NBEAL1: variants seen among roughly 807,000 people sequenced by gnomAD.
The protein encoded by NBEAL1 is neurobeachin-like protein 1.
Under a neutral mutation model 351.3 loss-of-function variants are expected in NBEAL1, and 273 were observed. The ratio of observed to expected loss-of-function variants is 0.78; its 90% CI spans 0.70 to 0.86. The LOEUF is 0.86. Among genes scored for constraint, NBEAL1 ranks in the 40% least tolerant of loss-of-function variants. NBEAL1 has a pLI of 0.00. For synonymous variants in NBEAL1, 1,050 were observed against 1,086.4 expected, an observed-to-expected ratio of 0.97 and a Z score of 0.66; for missense variants, 2,961 against 3,201.3, an observed-to-expected ratio of 0.92 and a Z score of 1.81.
chr2:203,049,976 G>C lies in NBEAL1; in HGVS notation c.305+1G>C. The C allele has an allele frequency of 6.5e-7, 1 of 1,550,224 alleles. No homozygotes were observed. ...TCAAGTTCTTCATTATTCTTTGCAG[G>C]TATCTAGTAGAAAAAATAAGCTAGT... is the stretch of plus-strand genomic sequence containing the variant. On this transcript the variant is annotated splice_donor_variant, in intron 4 of 55. Coordinates refer to ENST00000683969, the MANE Select transcript of NBEAL1 (RefSeq NM_001378026.1). LOFTEE classifies it high-confidence loss of function.
At chr2:203,137,444 C>A (rs770869088) in intron 29 of NBEAL1, among the ~76,000 whole-genome samples, 6 of 152,018 alleles carry the variant, frequency 3.9e-5, no homozygotes, top group Non-Finnish European at 7.4e-5. Context: ...GGTAGTACAC[C>A]GGGGAAGTAT....
At chr2:203,095,686 T>C (rs912404415) in intron 10 of NBEAL1, among the ~76,000 whole-genome samples, 1 of 152,246 alleles carries the variant, frequency 6.6e-6, no homozygotes, top group African/African-American at 2.4e-5. Flanking sequence ...TCTGACTATT[T>C]GTTTCCCTTG....
In NBEAL1 at chr2:203,107,525, TTA is replaced by T; in HGVS notation, c.1368+10_1368+11del. On this transcript the variant is annotated splice_region_variant and intron_variant, in intron 13 of 55. Transcript: ENST00000683969. ...TAAAGAACTTATGAATATGGTGAGT[TTA>T]TAACCTTTATTAAGAGAATTTCTGT... The T allele has an allele frequency of 6.5e-7, 1 of 1,544,132 alleles. No individual in the cohort carries two copies. Among genetic ancestry groups the T allele is most frequent in the Non-Finnish European group, 8.8e-7 (1 of 1,142,252 alleles).
chr2:203,023,179 G>A (rs975503950), intron 2 of NBEAL1, among the ~76,000 whole-genome samples: 2 of 152,180 alleles, frequency 1.3e-5, no homozygotes, highest in African/African-American at 4.8e-5. Flanking sequence ...TCCTAAATAA[G>A]TTTTTAGTAA....
chr2:203,125,285 G>T, intron 19 of NBEAL1, 67 bp from the exon 20 acceptor site: 1 of 1,127,798 alleles, frequency 8.9e-7, no homozygotes, highest in East Asian at 2.8e-5. Context: ...CTTCATACAT[G>T]TGAAGATATT....
intron 35 of NBEAL1, among the ~76,000 whole-genome samples, chr2:203,155,230 A>G (rs1463318318): frequency 7.2e-6 from 1 of 138,386 alleles, no homozygotes; most frequent in Non-Finnish European, 1.6e-5. Flanking sequence ...CCTGGGCAAC[A>G]CAGTAAAACC....
intron 31 of NBEAL1, among the ~76,000 whole-genome samples, chr2:203,141,216 T>A (rs2063358269): frequency 1.4e-5 from 1 of 69,802 alleles, no homozygotes; most frequent in African/African-American, 4.3e-5. Flanking sequence ...TTACCCTCAG[T>A]GTTTTTTAAT....
intron 35 of NBEAL1, among the ~76,000 whole-genome samples, chr2:203,156,067 T>C (rs974444238): frequency 1.3e-5 from 2 of 152,214 alleles, no homozygotes; most frequent in African/African-American, 2.4e-5. Flanking sequence ...TTATTATCTT[T>C]TCTCATATGT....
At chr2:203,130,166 G>T (rs1259806494) in intron 24 of NBEAL1, among the ~76,000 whole-genome samples, 152 bp from the exon 25 acceptor site, 1 of 152,010 alleles carries the variant, frequency 6.6e-6, no homozygotes, top group Non-Finnish European at 1.5e-5. Flanking sequence ...TGTCTCAAAA[G>T]AATTTTTTTA....
At chr2:203,119,673 G>A (rs1199827594) in intron 18 of NBEAL1, among the ~76,000 whole-genome samples, 8 of 151,890 alleles carry the variant, frequency 5.3e-5, no homozygotes, top group Admixed American at 2.0e-4. Context: ...TGATCTGCCC[G>A]CCTTGGCCTC....
At chr2:203,019,818 G>A (rs1425112130) in intron 2 of NBEAL1, among the ~76,000 whole-genome samples, 1 of 152,082 alleles carries the variant, frequency 6.6e-6, no homozygotes, top group Non-Finnish European at 1.5e-5. Context: ...AACGCTAATG[G>A]AATATATATG....
chr2:203,133,117 A>G lies in NBEAL1; in HGVS notation c.3784A>G (p.Ile1262Val). 6.6e-7 allele frequency: 1 copy of G among 1,510,372 alleles called. No individual in the cohort carries two copies. The highest frequency in any genetic ancestry group is 9.0e-7 in the Non-Finnish European group (1 of 1,115,170). 93.6% of individuals were successfully genotyped at this position (1,510,372 alleles called of 1,614,324 possible). ...SVVYISHRAHINVRVAICRKV... is the reference protein window; with the variant it reads ...SVVYISHRAHVNVRVAICRKV... ...GGTATATATATCTCACAGAGCACAT[A>G]TAAATGTTAGAGTGGCCATCTGCAG... The change falls in exon 27 of 56, where the codon ATA (isoleucine) becomes GTA (valine). Residue 1262 changes from isoleucine to valine, a missense_variant. Ile to Val is a conservative substitution (Grantham distance 29). Transcript: ENST00000683969.
intron 38 of NBEAL1, 142 bp from the exon 39 acceptor site, chr2:203,169,605 C>T (rs999918939): frequency 6.5e-6 from 3 of 464,802 alleles, no homozygotes; most frequent in Non-Finnish European, 1.2e-5. Flanking sequence ...GAGACTGTCT[C>T]AACAAAACAA....
At chr2:203,158,542 T>C (rs769229146) in intron 36 of NBEAL1, among the ~76,000 whole-genome samples, 6 of 152,176 alleles carry the variant, frequency 3.9e-5, no homozygotes, top group Non-Finnish European at 7.3e-5. Context: ...AATTTCCTCA[T>C]CTCCTCTTTG....
chr2:203,038,447 A>G (rs2061074437), intron 2 of NBEAL1, among the ~76,000 whole-genome samples: 1 of 149,096 alleles, frequency 6.7e-6, no homozygotes, highest in African/African-American at 2.4e-5. Flanking sequence ...ATTTCTCTGG[A>G]TAACTAATGA....
At chr2:203,050,502 T>C (rs2061307877) in intron 4 of NBEAL1, among the ~76,000 whole-genome samples, 1 of 152,210 alleles carries the variant, frequency 6.6e-6, no homozygotes, top group African/African-American at 2.4e-5. Flanking sequence ...AAGAAATTAC[T>C]GTACCAGTAT....
intron 36 of NBEAL1, among the ~76,000 whole-genome samples, chr2:203,161,930 A>G (rs1422912545): frequency 6.6e-6 from 1 of 151,312 alleles, no homozygotes; most frequent in Non-Finnish European, 1.5e-5. Flanking sequence ...GGATCTGTAC[A>G]TGGCTTAGGG....
At position 203,067,757 on chromosome 2, in the gene NBEAL1, C is replaced by G. The variant is rs376671102; in HGVS notation, c.516-636C>G. Among the ~76,000 whole-genome samples, 6 of 152,308 alleles carry G rather than the reference C, an allele frequency of 3.9e-5. No individual in the cohort carries two copies. The East Asian group carries it at 9.6e-4, about 24-fold the overall frequency. On this transcript the variant is annotated intron_variant, in intron 6 of 55. Coordinates refer to ENST00000683969, the MANE Select transcript of NBEAL1 (RefSeq NM_001378026.1). ...TTGGAAGTATCATCATAACACTACT[C>G]TTTATTCTCCAATCTCCACACCACT...
intron 10 of NBEAL1, among the ~76,000 whole-genome samples, chr2:203,087,742 T>C (rs909688971): frequency 6.6e-6 from 1 of 152,222 alleles, no homozygotes; most frequent in Non-Finnish European, 1.5e-5. Flanking sequence ...GATAGATACA[T>C]ATTAGTATCT....
Sources: gnomAD v4.1 joint callset for allele counts (sites outside exome capture counted in the v4.1 genomes callset) on GRCh38, gnomAD v4.1.1 for gene constraint, MANE v1.5 for transcripts, NCBI Gene and HGNC (gene_info 2026-07-23, HGNC 2026-07-21) for gene names.